Variants in LCT observed in about 807,000 individuals in gnomAD.
The protein encoded by LCT is lactase.
Under a neutral mutation model 173.0 loss-of-function variants are expected in LCT, and 90 were observed. The ratio of observed to expected loss-of-function variants is 0.52; its 90% confidence interval spans 0.44 to 0.62. The LOEUF is 0.62. LCT is among the 20% of genes least tolerant of loss of function. LCT has a pLI of 0.00. For missense variants in LCT, 1,864 were observed against 2,431.4 expected, an observed-to-expected ratio of 0.77 and a Z score of 4.91; for synonymous variants, 853 against 957.6, an observed-to-expected ratio of 0.89 and a Z score of 2.02.
intron 12 of LCT, 63 bp downstream of exon 12, chr2:135,800,544 T>C: frequency 7.4e-7 from 1 of 1,349,882 alleles, no homozygotes; most frequent in Admixed American, 1.7e-5. Flanking sequence ...CACAATCTGT[T>C]TCCATTAGGC....
chr2:135,826,645 C>T (rs950561410), intron 3 of LCT, among the ~76,000 whole-genome samples: 19 of 152,302 alleles, frequency 1.2e-4, no homozygotes, highest in African/African-American at 4.3e-4. Flanking sequence ...AGTGCCTCTG[C>T]TGCCTGTCAG....
At position 135,814,072 on chromosome 2, in the gene LCT, A is replaced by G. The variant is rs974915149; in HGVS notation, c.1708-1116T>C. ...CCATCTGGGATGATTAAATACGTGT[A>G]TATAAAGCATTGAGCAGAAACTCAG... is the stretch of plus-strand genomic sequence containing the variant. On this transcript the variant is annotated intron_variant, in intron 6 of 16. Transcript: ENST00000264162. Among the ~76,000 whole-genome samples, 6 of 152,364 alleles carry G rather than the reference A, an allele frequency of 3.9e-5. No homozygotes were observed. The East Asian group carries it at 1.2e-3, about 29-fold the overall frequency.
Position 135,836,812 on chromosome 2 carries a change from G to A in LCT, c.358C>T (p.Leu120Phe), listed in dbSNP as rs1222535754. The A allele has an allele frequency of 6.2e-7, 1 of 1,614,186 alleles. No individual in the cohort carries two copies. The highest frequency in any genetic ancestry group is 8.5e-7 in the Non-Finnish European group (1 of 1,180,016). Reference protein sequence around the residue: ...VQCYRRLLKALKTARLQPMVI... With the variant: ...VQCYRRLLKAFKTARLQPMVI... ...ATGGGCTGAAGCCGTGCAGTCTTGA[G>A]GGCCTTGAGGAGTCGCCGGTAGCAC... The change falls in exon 1 of 17, where the codon CTC becomes TTC. Residue 120 changes from leucine (L) to phenylalanine (F), a missense_variant. Coordinates refer to ENST00000264162, the MANE Select transcript of LCT (RefSeq NM_002299.4).
chr2:135,821,371 C>A (rs1323999303), intron 5 of LCT, among the ~76,000 whole-genome samples: 2 of 152,146 alleles, frequency 1.3e-5, no homozygotes, highest in African/African-American at 4.8e-5. Context: ...ATGTTTCACC[C>A]TTCATATTGA....
intron 4 of LCT, 126 bp downstream of exon 4, chr2:135,823,775 G>A (rs1325425432): frequency 1.4e-6 from 1 of 726,450 alleles, no homozygotes; most frequent in Admixed American, 2.0e-5. Flanking sequence ...AGTCTGGGGT[G>A]GGCTTTTATA....
intron 3 of LCT, among the ~76,000 whole-genome samples, chr2:135,825,384 C>A (rs2077880158): frequency 6.6e-6 from 1 of 152,196 alleles, no homozygotes; most frequent in Non-Finnish European, 1.5e-5. Flanking sequence ...CAGTCCTCAT[C>A]CCTCCCTGTG....
intron 3 of LCT, among the ~76,000 whole-genome samples, chr2:135,828,275 G>A (rs1343265524): frequency 1.3e-5 from 2 of 152,030 alleles, no homozygotes; most frequent in African/African-American, 2.4e-5. Context: ...CACCCACCTC[G>A]GCCTCCCAAA....
chr2:135,793,401 C>T (rs898368141), intron 14 of LCT, among the ~76,000 whole-genome samples: 1 of 152,182 alleles, frequency 6.6e-6, no homozygotes, highest in Non-Finnish European at 1.5e-5. Flanking sequence ...TCTCAGGAAG[C>T]CCCATCCTTA....
chr2:135,788,453 G>A lies in LCT; in HGVS notation c.5655C>T (p.Tyr1885=), dbSNP rs1483785677. ...CAAGAAGCACAAGAGAAAAGAGAAC[G>A]TACAAAGCTGTCTGTGCTTCTGTGG... ...LGTTEAQTAL[Y]VLFSLVLLGV... Residue 1885 remains tyrosine, a synonymous_variant, in exon 17 of 17, where the codon TAC becomes TAT. Transcript: ENST00000264162. 8 of 1,613,480 alleles carry A rather than the reference G, an allele frequency of 5.0e-6. No homozygotes were observed. In the East Asian group the frequency reaches 6.7e-5, roughly 13 times the overall value.
intron 14 of LCT, among the ~76,000 whole-genome samples, chr2:135,793,765 TATC>T (rs1021034993): frequency 3.3e-5 from 5 of 151,946 alleles, no homozygotes; most frequent in African/African-American, 1.2e-4. Flanking sequence ...GATAAATAGA[TATC>T]ATAAAGAAAA....
chr2:135,799,235 C>T (rs872151), intron 12 of LCT, among the ~76,000 whole-genome samples: 24,786 of 151,996 alleles, frequency 0.16, 2,488 homozygotes, highest in South Asian at 0.37. Flanking sequence ...ATGGTGTTTC[C>T]CCCGAGAGAG....
Position 135,812,754 on chromosome 2 carries a change from A to G in LCT, c.1910T>C (p.Val637Ala). Residue 637 changes from valine to alanine, a missense_variant, in exon 7 of 17, where the codon GTG becomes GCG. Coordinates refer to ENST00000264162, the MANE Select transcript of LCT (RefSeq NM_002299.4). Reference protein sequence around the residue: ...MLGWFAHPVFVDGDYPATLRT... With the variant: ...MLGWFAHPVFADGDYPATLRT... Reference sequence around the variant, plus strand: ...CAGGGTGGCTGGGTAGTCTCCATCCACAAAGACGGGGTGTGCAAACCAGCC... The same window carrying G: ...CAGGGTGGCTGGGTAGTCTCCATCCGCAAAGACGGGGTGTGCAAACCAGCC... 6.2e-7 allele frequency: 1 copy of G among 1,614,194 alleles called. No homozygotes were observed. The highest frequency in any genetic ancestry group is 2.2e-5 in the East Asian group (1 of 44,878).
intron 2 of LCT, among the ~76,000 whole-genome samples, chr2:135,832,178 T>C (rs921226173): frequency 2.6e-5 from 4 of 151,602 alleles, no homozygotes; most frequent in Non-Finnish European, 4.4e-5. Flanking sequence ...ATCGTGCCAC[T>C]GCACTCCAGC....
chr2:135,820,912 G>A (rs974546235), intron 5 of LCT, among the ~76,000 whole-genome samples: 20 of 150,030 alleles, frequency 1.3e-4, no homozygotes, highest in Non-Finnish European at 3.0e-4. Context: ...ATGGAGTCTC[G>A]CTCCATCACC....
At chr2:135,833,613 A>C (rs539288865) in intron 1 of LCT, among the ~76,000 whole-genome samples, 1 of 149,836 alleles carries the variant, frequency 6.7e-6, no homozygotes, top group African/African-American at 2.5e-5. Flanking sequence ...CGCCCGGCTA[A>C]TTTTTTGCAT....
In LCT at chr2:135,824,451, G is replaced by A. The variant is rs571666305; in HGVS notation, c.805-448C>T. Among the ~76,000 whole-genome samples the A allele has an allele frequency of 1.2e-3, 189 of 152,256 alleles. 1 individual carries two copies. The highest frequency in any genetic ancestry group is 4.4e-3 in the African/African-American group (181 of 41,518). On this transcript the variant is annotated intron_variant, in intron 3 of 16. Coordinates refer to ENST00000264162, the MANE Select transcript of LCT (RefSeq NM_002299.4). ...AGCTACTTGGGAGGCTGAGCCAGGAGGATCGCTTGAGCCCAGGAGTTTAAG... is the reference window on the plus strand; with the variant it reads ...AGCTACTTGGGAGGCTGAGCCAGGAAGATCGCTTGAGCCCAGGAGTTTAAG...
intron 10 of LCT, 27 bp downstream of exon 10, chr2:135,804,740 C>T (rs746822398): frequency 5.6e-6 from 9 of 1,610,486 alleles, no homozygotes; most frequent in Admixed American, 1.7e-5. Context: ...GTGGACTTTC[C>T]CAAGGCCTTG....
At position 135,826,322 on chromosome 2, in the gene LCT, G is replaced by C. The variant is rs546233000; in HGVS notation, c.805-2319C>G. Among the ~76,000 whole-genome samples, 120 of 151,822 alleles carry C rather than the reference G, an allele frequency of 7.9e-4. 2 individuals are homozygous for C. The highest frequency in any genetic ancestry group is 7.8e-3 in the Admixed American group (119 of 15,228). Reference sequence around the variant, plus strand: ...TAATCTCAGCACTTTAGGAGGTCGAGGGGGGTGGTGGATCACTTGAGGCCA... The same window carrying C: ...TAATCTCAGCACTTTAGGAGGTCGACGGGGGTGGTGGATCACTTGAGGCCA... On this transcript the variant is annotated intron_variant, in intron 3 of 16. Transcript: ENST00000264162.
intron 11 of LCT, among the ~76,000 whole-genome samples, chr2:135,801,605 C>T (rs914381155): frequency 4.0e-5 from 6 of 151,404 alleles, no homozygotes; most frequent in Non-Finnish European, 5.9e-5. Context: ...ATCCCAGCTA[C>T]TCAGGAGGCT....
Sources: gnomAD v4.1 joint callset for allele counts (sites outside exome capture counted in the v4.1 genomes callset) on GRCh38, gnomAD v4.1.1 for gene constraint, MANE v1.5 for transcripts, NCBI Gene and HGNC (gene_info 2026-07-23, HGNC 2026-07-21) for gene names.